Variants in ERC2 observed in about 807,000 individuals in gnomAD.
ERC2 encodes ERC protein 2.
Under a neutral mutation model 114.8 loss-of-function variants are expected in ERC2, and 42 were observed. That is an observed-to-expected ratio of 0.37 (90% confidence interval 0.29 to 0.47). The LOEUF (loss-of-function observed/expected upper bound fraction) is 0.47, where lower values mean the gene tolerates loss of function less well. Among genes scored for constraint, ERC2 ranks in the 20% least tolerant of loss-of-function variants. The pLI is 0.99. For missense variants in ERC2, 939 were observed against 1,150.7 expected (o/e 0.82, Z 2.66); for synonymous variants, 454 against 425.5 (o/e 1.07, Z -0.82).
chr3:56,247,261 T>C (rs1171905770), intron 3 of ERC2, among the ~76,000 whole-genome samples: 5 of 152,062 alleles, frequency 3.3e-5, no homozygotes, highest in Admixed American at 1.3e-4. Flanking sequence ...AATTAAAAGT[T>C]AGAATTATAG....
intron 14 of ERC2, among the ~76,000 whole-genome samples, chr3:55,842,182 T>C (rs1230274161): frequency 1.3e-5 from 2 of 152,280 alleles, no homozygotes; most frequent in South Asian, 2.1e-4. Flanking sequence ...AGTGAGTTAG[T>C]AGTGGTGAAA....
At chr3:56,299,128 T>G (rs1331187376) in intron 2 of ERC2, among the ~76,000 whole-genome samples, 1 of 80,836 alleles carries the variant, frequency 1.2e-5, no homozygotes, top group African/African-American at 3.8e-5. Context: ...TGTTTTTTTT[T>G]TTGTTTGTTT....
chr3:56,180,198 C>T (rs1461614069), intron 3 of ERC2, among the ~76,000 whole-genome samples: 1 of 152,136 alleles, frequency 6.6e-6, no homozygotes, highest in Non-Finnish European at 1.5e-5. Flanking sequence ...TAGTCAAGGT[C>T]ATTAGTGACC....
chr3:56,329,651 G>A (rs933065298), intron 2 of ERC2, among the ~76,000 whole-genome samples: 8 of 152,176 alleles, frequency 5.3e-5, no homozygotes, highest in Non-Finnish European at 8.8e-5. Context: ...AGAAGCACTT[G>A]TGAAGGTCAC....
At chr3:55,673,599 A>G (rs574809358) in intron 17 of ERC2, among the ~76,000 whole-genome samples, 2 of 152,124 alleles carry the variant, frequency 1.3e-5, no homozygotes, top group Non-Finnish European at 2.9e-5. Flanking sequence ...TAAAAAATAA[A>G]AAAAAAGAGG....
At chr3:55,939,528 G>A (rs2066650759) in intron 13 of ERC2, among the ~76,000 whole-genome samples, 1 of 152,146 alleles carries the variant, frequency 6.6e-6, no homozygotes, top group Admixed American at 6.5e-5. Context: ...AAAAGAATAT[G>A]TATTATTTTC....
At chr3:55,520,127 C>T (rs1043694403) in intron 17 of ERC2, among the ~76,000 whole-genome samples, 3 of 151,630 alleles carry the variant, frequency 2.0e-5, no homozygotes, top group Admixed American at 6.6e-5. Context: ...AAAAGTTTAC[C>T]GTACCCTTCA....
At chr3:56,354,440 G>A (rs1192233131) in intron 2 of ERC2, among the ~76,000 whole-genome samples, 2 of 152,168 alleles carry the variant, frequency 1.3e-5, no homozygotes, top group East Asian at 3.9e-4. Context: ...GTCATGGTTA[G>A]GGAGGGGGTG....
At chr3:55,632,783 A>G (rs2059809109) in intron 17 of ERC2, among the ~76,000 whole-genome samples, 1 of 152,256 alleles carries the variant, frequency 6.6e-6, no homozygotes, top group African/African-American at 2.4e-5. Context: ...AAGATCCTCA[A>G]TATAATTCTG....
intron 16 of ERC2, 78 bp from the exon 17 acceptor site, chr3:55,683,937 C>G: frequency 1.3e-6 from 2 of 1,492,728 alleles, no homozygotes; most frequent in Non-Finnish European, 1.8e-6. Flanking sequence ...TTAGTTACAC[C>G]GAGATGCACT....
chr3:56,305,595 T>C (rs974290547), intron 2 of ERC2, among the ~76,000 whole-genome samples: 1 of 148,968 alleles, frequency 6.7e-6, no homozygotes, highest in South Asian at 2.1e-4. Context: ...TAAATAACAA[T>C]AGCAAGTACT....
chr3:55,808,841 G>C (rs2059605669), intron 14 of ERC2, among the ~76,000 whole-genome samples: 1 of 148,914 alleles, frequency 6.7e-6, no homozygotes, highest in East Asian at 2.0e-4. Flanking sequence ...AAAAGATCCA[G>C]AGGTAAATGT....
chr3:56,149,169 A>T (rs974376784), intron 4 of ERC2, 37 bp from the exon 5 acceptor site: 1 of 1,507,376 alleles, frequency 6.6e-7, no homozygotes, highest in African/African-American at 1.4e-5. Context: ...AAAAATAAAG[A>T]ATAAAAATTA....
intron 2 of ERC2, among the ~76,000 whole-genome samples, chr3:56,311,241 C>CTATATA (rs1205777277): frequency 5.5e-5 from 1 of 18,296 alleles, no homozygotes; most frequent in Non-Finnish European, 1.5e-4. Context: ...TTCTCTCTCT[C>CTATATA]TCTCTCTCTC....
At chr3:55,810,465 C>CTTTTTTTTTTTTTTTTT (rs11318195) in intron 14 of ERC2, among the ~76,000 whole-genome samples, 5 of 146,414 alleles carry the variant, frequency 3.4e-5, no homozygotes, top group Non-Finnish European at 4.5e-5. Flanking sequence ...CTCTCTCCCT[C>CTTTTTTTTTTTTTTTTT]TTTTTTTTTT....
chr3:55,776,828 AAC>A (rs2068658011), intron 14 of ERC2, among the ~76,000 whole-genome samples: 1 of 152,204 alleles, frequency 6.6e-6, no homozygotes, highest in South Asian at 2.1e-4. Flanking sequence ...CAACATGGCA[AAC>A]ACACACAAAC....
chr3:56,277,863 T>G (rs1560508728), intron 3 of ERC2, among the ~76,000 whole-genome samples: 1 of 151,986 alleles, frequency 6.6e-6, no homozygotes, highest in Non-Finnish European at 1.5e-5. Context: ...CCCTTGTTAC[T>G]CAGCAGGCTG....
At chr3:56,103,374 G>A (rs755781185) in intron 6 of ERC2, among the ~76,000 whole-genome samples, 18 of 152,192 alleles carry the variant, frequency 1.2e-4, no homozygotes, top group Non-Finnish European at 2.1e-4. Context: ...ATATGCCCGC[G>A]AGAAGAAGCA....
At chr3:56,080,665 C>T (rs2077186644) in intron 7 of ERC2, among the ~76,000 whole-genome samples, 152 bp downstream of exon 7, 1 of 152,122 alleles carries the variant, frequency 6.6e-6, no homozygotes, top group Non-Finnish European at 1.5e-5. Flanking sequence ...TGACATGATG[C>T]AACTACCAGT....
Sources: gnomAD v4.1 joint callset for allele counts (sites outside exome capture counted in the v4.1 genomes callset) on GRCh38, gnomAD v4.1.1 for gene constraint, MANE v1.5 for transcripts, NCBI Gene and HGNC (gene_info 2026-07-23, HGNC 2026-07-21) for gene names.